Variants in SH2D6 observed in about 807,000 individuals in gnomAD.
The protein encoded by SH2D6 is SH2 domain containing 6.
Under a neutral mutation model 30.2 loss-of-function variants are expected in SH2D6, and 31 were observed. The ratio of observed to expected loss-of-function variants is 1.03; its 90% confidence interval spans 0.77 to 1.38. SH2D6 has a LOEUF of 1.38. SH2D6 is among the 40% of genes most tolerant of loss of function. The probability of loss-of-function intolerance (pLI) is 0.00; values close to 1 mark genes in which losing one functional copy is unlikely to be tolerated. For synonymous variants in SH2D6, 93 were observed against 104.6 expected (o/e 0.89, Z 0.68); for missense variants, 240 against 266.8 (o/e 0.90, Z 0.70).
Position 85,429,476 on chromosome 2 carries a change from G to A in SH2D6, c.3+8G>A, listed in dbSNP as rs953522243. On this transcript the variant is annotated splice_region_variant and intron_variant, in intron 8 of 23. Transcript: ENST00000469800. ...TCCTCTGCCTCTGCCATGGTAAGATGTGGTCCCGGGACGGCCTCAGGCATG... is the reference window on the plus strand; with the variant it reads ...TCCTCTGCCTCTGCCATGGTAAGATATGGTCCCGGGACGGCCTCAGGCATG... The A allele has an allele frequency of 3.3e-5, 5 of 152,722 alleles. No homozygotes were observed. The highest frequency in any genetic ancestry group is 6.5e-5 in the Admixed American group (1 of 15,308). The allele number at this position is 152,722 out of a possible 1,614,324, so 9.5% of individuals were successfully genotyped here.
At chr2:85,436,752 G>C in intron 23 of SH2D6, 85 bp from the exon 24 acceptor site, 1 of 608,422 alleles carries the variant, frequency 1.6e-6, no homozygotes, top group Non-Finnish European at 2.9e-6. Context: ...AAGGGTCCTG[G>C]AGACCCCACC....
At position 85,434,631 on chromosome 2, in the gene SH2D6, A is replaced by AAAAAAAAC; in HGVS notation, c.589+138_589+139insAAACAAAA. ...TTGACTAGACTTAAAAAAAAAAAAA[A>AAAAAAAAC]AAAACTAGGTGAATGCAGGCATCTT... On this transcript the variant is annotated intron_variant, in intron 19 of 23. Coordinates refer to ENST00000469800, the MANE Select transcript of SH2D6 (RefSeq NM_001394463.1). 2.1e-5 allele frequency: 29 copies of AAAAAAAAC among 1,368,806 alleles called. No individual in the cohort carries two copies. The African/African-American group carries it at 2.9e-4, about 14-fold the overall frequency. The allele number at this position is 1,368,806 out of a possible 1,614,324, so 84.8% of individuals were successfully genotyped here. A position where few individuals can be genotyped will look rare whatever the true frequency, so the allele number is the denominator to read the frequency against.
chr2:85,434,402 G>A (rs774863881), intron 18 of SH2D6, 32 bp downstream of exon 18: 2 of 1,550,602 alleles, frequency 1.3e-6, no homozygotes, highest in Non-Finnish European at 1.7e-6. Flanking sequence ...GAGAAGAGAG[G>A]GAGGCAGGGA....
At position 85,428,711 on chromosome 2, in the gene SH2D6, A is replaced by G. The variant is rs534143690; in HGVS notation, c.-95+14A>G. 1 of 152,172 alleles carries G rather than the reference A, an allele frequency of 6.6e-6. No individual in the cohort carries two copies. Among genetic ancestry groups the G allele is most frequent in the African/African-American group, 2.4e-5 (1 of 41,422 alleles). 9.4% of individuals were successfully genotyped at this position (152,172 alleles called of 1,614,324 possible). On this transcript the variant is annotated intron_variant, in intron 7 of 23. Coordinates refer to ENST00000469800, the MANE Select transcript of SH2D6 (RefSeq NM_001394463.1). The stretch of plus-strand genomic sequence containing the variant: ...AGCTCCAGAACAGTGAGAAAATGAC[A>G]TTTCTGTTGCTTAAGCCACACAGTT...
At position 85,430,308 on chromosome 2, in the gene SH2D6, T is replaced by A. The variant is rs1688465784; in HGVS notation, c.65-56T>A. Reference sequence around the variant, plus strand: ...GTTGAAGCACTGGAGGGCGGGTGGTTTATTATACTGGGGAAAGGTGGGCAG... The same window carrying A: ...GTTGAAGCACTGGAGGGCGGGTGGTATATTATACTGGGGAAAGGTGGGCAG... On this transcript the variant is annotated intron_variant, in intron 10 of 23. Coordinates refer to ENST00000469800, the MANE Select transcript of SH2D6 (RefSeq NM_001394463.1). This position sits in a 1 kb window ranked among gnomAD's most constrained non-coding sequence, Gnocchi z 4.3. The A allele has an allele frequency of 6.7e-6, 1 of 148,900 alleles. No homozygotes were observed. Among genetic ancestry groups the A allele is most frequent in the South Asian group, 2.1e-4 (1 of 4,698 alleles). The allele number at this position is 148,900 out of a possible 1,614,324, so 9.2% of individuals were successfully genotyped here.
chr2:85,432,424 C>T (rs887463714), intron 14 of SH2D6, among the ~76,000 whole-genome samples: 12 of 149,474 alleles, frequency 8.0e-5, no homozygotes, highest in African/African-American at 1.7e-4. Context: ...TTTTTTGAGA[C>T]GGAGTCTTGC....
intron 17 of SH2D6, 60 bp from the exon 18 acceptor site, chr2:85,434,280 G>A (rs1276617147): frequency 2.0e-6 from 3 of 1,520,050 alleles, no homozygotes; most frequent in Non-Finnish European, 2.7e-6. Flanking sequence ...GGGTTCACTG[G>A]CCCTTTCTCT....
At chr2:85,427,477 G>A (rs898469262) in intron 6 of SH2D6, among the ~76,000 whole-genome samples, 1 of 152,270 alleles carries the variant, frequency 6.6e-6, no homozygotes, top group African/African-American at 2.4e-5. Flanking sequence ...TCTGCCCTCT[G>A]CCTGGGGCCC....
At chr2:85,432,929 G>C (rs1054563269) in intron 14 of SH2D6, 170 bp from the exon 15 acceptor site, 10 of 332,608 alleles carry the variant, frequency 3.0e-5, no homozygotes, top group African/African-American at 2.0e-4. Context: ...GGGCTGTGCA[G>C]AGAACCATCA....
At chr2:85,431,551 T>C (rs895684914) in intron 13 of SH2D6, among the ~76,000 whole-genome samples, 4 of 152,234 alleles carry the variant, frequency 2.6e-5, no homozygotes, top group African/African-American at 9.6e-5. Context: ...TCAGCTGCCC[T>C]TCCCTTGGAT....
intron 17 of SH2D6, 40 bp from the exon 18 acceptor site, chr2:85,434,298 CAT>C: frequency 2.0e-6 from 3 of 1,527,938 alleles, no homozygotes; most frequent in Non-Finnish European, 2.6e-6. Context: ...TCTTGAAAAA[CAT>C]AAAGACCCTG....
chr2:85,435,607 G>A, intron 21 of SH2D6, 59 bp from the exon 22 acceptor site: 2 of 1,580,368 alleles, frequency 1.3e-6, no homozygotes, highest in Non-Finnish European at 1.7e-6. Flanking sequence ...CCCATCATGG[G>A]TCAGGGCAGT....
intron 6 of SH2D6, 57 bp downstream of exon 6, chr2:85,425,464 T>G (rs1316354974): frequency 6.6e-6 from 1 of 151,914 alleles, no homozygotes; most frequent in Non-Finnish European, 1.5e-5. Context: ...GAGACAGGGT[T>G]TCACCATGTT....
chr2:85,431,018 C>T (rs983549215), intron 12 of SH2D6, among the ~76,000 whole-genome samples, 192 bp from the exon 13 acceptor site: 1 of 152,176 alleles, frequency 6.6e-6, no homozygotes, highest in Admixed American at 6.5e-5. Context: ...CACTGCTCAG[C>T]TCCTCGGCCA....
At chr2:85,433,990 GC>G in intron 16 of SH2D6, 42 bp from the exon 17 acceptor site, 1 of 1,504,106 alleles carries the variant, frequency 6.6e-7, no homozygotes, top group East Asian at 2.5e-5. Context: ...TGGATTCCCT[GC>G]CTGGTGCTCA....
intron 19 of SH2D6, 25 bp from the exon 20 acceptor site, chr2:85,435,040 C>CCCCCCCCCAA (rs1573252369): frequency 6.3e-7 from 1 of 1,578,114 alleles, no homozygotes; most frequent in Non-Finnish European, 8.6e-7. Flanking sequence ...CACCCCACCC[C>CCCCCCCCCAA]AGCTCAATAA....
chr2:85,425,982 T>C (rs935352832), intron 6 of SH2D6, among the ~76,000 whole-genome samples: 1 of 152,108 alleles, frequency 6.6e-6, no homozygotes, highest in African/African-American at 2.4e-5. Context: ...GAAACGAGGA[T>C]TCATGAGGCG....
rs377066605 is a variant in SH2D6 at position 85,435,746 on chromosome 2, G to T, written c.813G>T (p.Arg271=). ...PFTLAVLLRG[R]VFNIPIRRLD... ...CCCTGGCAGTGCTTCTCCGAGGCCG[G>T]GTCTTCAACATTCCCATCCGGCGGC... Residue 271 remains arginine (R), a synonymous_variant, in exon 22 of 24, where the codon CGG becomes CGT. Transcript: ENST00000469800. 11 of 1,612,328 alleles carry T rather than the reference G, an allele frequency of 6.8e-6. No individual in the cohort carries two copies. Among genetic ancestry groups the T allele is most frequent in the Non-Finnish European group, 9.3e-6 (11 of 1,179,474 alleles).
intron 14 of SH2D6, 36 bp from the exon 15 acceptor site, chr2:85,433,063 C>A (rs1272387559): frequency 1.0e-6 from 1 of 985,922 alleles, no homozygotes; most frequent in African/African-American, 1.7e-5. Context: ...TGCTCCCTGC[C>A]GTGCATGACA....
Sources: gnomAD v4.1 joint callset for allele counts (sites outside exome capture counted in the v4.1 genomes callset) on GRCh38, gnomAD v4.1.1 for gene constraint, Gnocchi (gnomAD v3.1) non-coding constraint, MANE v1.5 for transcripts, NCBI Gene and HGNC (gene_info 2026-07-23, HGNC 2026-07-21) for gene names.